Variants in ACSBG2 observed in about 807,000 individuals in gnomAD.
The protein encoded by ACSBG2 is acyl-CoA synthetase bubblegum family member 2, also known as long-chain-fatty-acid--CoA ligase ACSBG2.
A neutral mutation model predicts 74.7 loss-of-function variants in ACSBG2; 62 were observed. That is an observed-to-expected ratio of 0.83 (90% CI 0.68 to 1.03). ACSBG2 has a LOEUF of 1.03. Among genes scored for constraint, ACSBG2 ranks in the 50% least tolerant of loss-of-function variants. The pLI, the probability that ACSBG2 is intolerant of heterozygous loss-of-function variation, is 0.00. For missense variants in ACSBG2, 730 were observed against 817.6 expected, an observed-to-expected ratio of 0.89 and a Z score of 1.31; for synonymous variants, 309 against 294.1, an observed-to-expected ratio of 1.05 and a Z score of -0.52.
At position 6,183,019 on chromosome 19, in the gene ACSBG2, G is replaced by C. The variant is rs1568252341; in HGVS notation, c.1089-20G>C. 1 of 1,613,620 alleles carries C rather than the reference G, an allele frequency of 6.2e-7. No homozygotes were observed. The highest frequency in any genetic ancestry group is 8.5e-7 in the Non-Finnish European group (1 of 1,179,694). On this transcript the variant is annotated intron_variant, in intron 9 of 14. Transcript: ENST00000588485. Reference sequence around the variant, plus strand: ...GGGTCCCATCAGCCCTTCTCCACTTGACGGCATTCTTATTCACAGGAAATA... The same window carrying C: ...GGGTCCCATCAGCCCTTCTCCACTTCACGGCATTCTTATTCACAGGAAATA...
At chr19:6,157,244 A>G (rs7408308) in intron 5 of ACSBG2, among the ~76,000 whole-genome samples, 108,523 of 151,956 alleles carry the variant, frequency 0.71, 38,966 homozygotes, top group Admixed American at 0.74. Flanking sequence ...CACCGCCCCG[A>G]GCCCGGGCTA....
chr19:6,185,074 C>T (rs1171035541), intron 10 of ACSBG2, among the ~76,000 whole-genome samples: 2 of 151,920 alleles, frequency 1.3e-5, no homozygotes, highest in Non-Finnish European at 2.9e-5. Context: ...AGGTATGTAC[C>T]ACCATGCCCA....
chr19:6,138,907 C>T (rs2088708875), intron 1 of ACSBG2, among the ~76,000 whole-genome samples: 1 of 151,964 alleles, frequency 6.6e-6, no homozygotes, highest in Non-Finnish European at 1.5e-5. Flanking sequence ...CCAGAGGGGC[C>T]TTGGGCTTCC....
At chr19:6,149,172 C>T (rs1163579532) in intron 3 of ACSBG2, among the ~76,000 whole-genome samples, 3 of 152,102 alleles carry the variant, frequency 2.0e-5, no homozygotes, top group Admixed American at 2.0e-4. Context: ...AACAAAACTA[C>T]TTGGAGACCC....
At chr19:6,171,831 T>G (rs1259109533) in intron 7 of ACSBG2, among the ~76,000 whole-genome samples, 1 of 152,206 alleles carries the variant, frequency 6.6e-6, no homozygotes, top group Admixed American at 6.5e-5. Flanking sequence ...ATTTTTCTTC[T>G]TTTCTCTCAG....
chr19:6,138,252 G>A (rs2088656056), intron 1 of ACSBG2, among the ~76,000 whole-genome samples: 1 of 152,094 alleles, frequency 6.6e-6, no homozygotes, highest in Admixed American at 6.6e-5. Context: ...CTGAGACACA[G>A]TCAGTGGTGG....
At chr19:6,142,752 CAAAAA>C (rs34759552) in intron 2 of ACSBG2, among the ~76,000 whole-genome samples, 2 of 115,912 alleles carry the variant, frequency 1.7e-5, no homozygotes, top group African/African-American at 7.3e-5. Context: ...GACTCTGTCT[CAAAAA>C]AAAAAAAAAA....
At position 6,141,563 on chromosome 19, in the gene ACSBG2, C is replaced by T; in HGVS notation, c.20C>T (p.Thr7Ile). ...CCTGGAATGACTGGAACCCCAAAGACTCAAGAAGGAGCTAAAGATCTTGAA... is the reference window on the plus strand; with the variant it reads ...CCTGGAATGACTGGAACCCCAAAGATTCAAGAAGGAGCTAAAGATCTTGAA... MTGTPK[T>I]QEGAKDLEVD... The change falls in exon 2 of 15, where the codon ACT (threonine) becomes ATT (isoleucine). Residue 7 changes from threonine (T) to isoleucine (I), a missense_variant. Physicochemically the swap from Thr to Ile is moderately conservative, Grantham distance 89 (BLOSUM62 -1). Coordinates refer to ENST00000588485, the MANE Select transcript of ACSBG2 (RefSeq NM_030924.5). The T allele has an allele frequency of 6.2e-7, 1 of 1,612,234 alleles. No individual in the cohort carries two copies. The highest frequency in any genetic ancestry group is 1.1e-5 in the South Asian group (1 of 91,054).
chr19:6,145,791 C>T (rs1043394630), intron 2 of ACSBG2, among the ~76,000 whole-genome samples: 5 of 152,146 alleles, frequency 3.3e-5, no homozygotes, highest in South Asian at 2.1e-4. Flanking sequence ...TGGGTGATGT[C>T]GCTGTGACAG....
rs954496778 is a variant in ACSBG2 at position 6,190,643 on chromosome 19, C to T, written c.1987C>T (p.His663Tyr). The T allele has an allele frequency of 6.2e-7, 1 of 1,613,916 alleles. No individual in the cohort carries two copies. The change falls in exon 14 of 15, where the codon CAC (histidine) becomes TAC (tyrosine). Residue 663 changes from histidine (H) to tyrosine (Y), a missense_variant. Coordinates refer to ENST00000588485, the MANE Select transcript of ACSBG2 (RefSeq NM_030924.5). ...VAQKYKKQID[H>Y]MYH Reference sequence around the variant, plus strand: ...CCAGAAATACAAAAAACAAATTGATCACATGTACCACTGACTGCTTTGATG... The same window carrying T: ...CCAGAAATACAAAAAACAAATTGATTACATGTACCACTGACTGCTTTGATG...
chr19:6,145,689 T>C (rs2089006097), intron 2 of ACSBG2, among the ~76,000 whole-genome samples: 1 of 152,186 alleles, frequency 6.6e-6, no homozygotes, highest in Non-Finnish European at 1.5e-5. Flanking sequence ...TTTCTCAGTG[T>C]CAACCCTTAC....
intron 7 of ACSBG2, among the ~76,000 whole-genome samples, 156 bp downstream of exon 7, chr19:6,166,171 C>G (rs548547897): frequency 6.6e-6 from 1 of 152,060 alleles, no homozygotes; most frequent in East Asian, 1.9e-4. Flanking sequence ...TAGGGGGCAG[C>G]AGAGTGCAGT....
rs748580019 is a variant in ACSBG2, at chr19:6,187,408, T to G, written c.1666T>G (p.Leu556Val). ...AGATAAACTGAAGTTTCTGAGCATGTTGCTGACGCTGAAGGTAACATGGGT... is the reference window on the plus strand; with the variant it reads ...AGATAAACTGAAGTTTCTGAGCATGGTGCTGACGCTGAAGGTAACATGGGT... ...VGDKLKFLSMLLTLKCEMNQM... is the reference protein window; with the variant it reads ...VGDKLKFLSMVLTLKCEMNQM... Residue 556 changes from leucine to valine, a missense_variant, in exon 12 of 15, where the codon TTG becomes GTG. Coordinates refer to ENST00000588485, the MANE Select transcript of ACSBG2 (RefSeq NM_030924.5). 3.7e-6 allele frequency: 6 copies of G among 1,614,198 alleles called. No homozygotes were observed. Among genetic ancestry groups the G allele is most frequent in the Non-Finnish European group, 5.1e-6 (6 of 1,180,044 alleles).
intron 4 of ACSBG2, among the ~76,000 whole-genome samples, chr19:6,152,102 T>C (rs992302292): frequency 2.6e-5 from 4 of 152,156 alleles, no homozygotes; most frequent in African/African-American, 4.8e-5. Context: ...ACGTGTATGA[T>C]CCTGTAAAAC....
chr19:6,182,755 C>A lies in ACSBG2; in HGVS notation c.911C>A (p.Thr304Asn). 7 of 1,613,850 alleles carry A rather than the reference C, an allele frequency of 4.3e-6. No individual in the cohort carries two copies. The highest frequency in any genetic ancestry group is 4.2e-6 in the Non-Finnish European group (5 of 1,179,912). Reference protein sequence around the residue: ...YFAQADALKGTLVSTLKEVKP... With the variant: ...YFAQADALKGNLVSTLKEVKP... ...ACCTAGCTTCGTTCCATACAGGGCA[C>A]CTTGGTAAGTACTCTAAAGGAGGTA... is the stretch of plus-strand genomic sequence containing the variant. Residue 304 changes from threonine (T) to asparagine (N), a missense_variant, in exon 9 of 15, where the codon ACC becomes AAC. By Grantham distance (65) the Thr-to-Asn change is moderately conservative. Transcript: ENST00000588485.
intron 14 of ACSBG2, chr19:6,192,166 G>A (rs552331397): frequency 6.6e-6 from 1 of 151,156 alleles, no homozygotes; most frequent in Non-Finnish European, 1.5e-5. Context: ...TTGGAATACC[G>A]GGTTACGTAA....
At chr19:6,142,752 C>CAAA (rs34759552) in intron 2 of ACSBG2, among the ~76,000 whole-genome samples, 3,059 of 115,738 alleles carry the variant, frequency 0.026, 141 homozygotes, top group African/African-American at 0.095. Flanking sequence ...GACTCTGTCT[C>CAAA]AAAAAAAAAA....
At chr19:6,149,239 A>G (rs2089149130) in intron 3 of ACSBG2, among the ~76,000 whole-genome samples, 1 of 152,204 alleles carries the variant, frequency 6.6e-6, no homozygotes, top group Admixed American at 6.5e-5. Flanking sequence ...TGTCCACAAT[A>G]AAGCCAGCCT....
intron 14 of ACSBG2, 120 bp downstream of exon 14, chr19:6,190,812 T>TATACACACACACACAC (rs2090542983): frequency 3.1e-6 from 1 of 323,294 alleles, no homozygotes; most frequent in South Asian, 3.1e-5. Flanking sequence ...CACACATACA[T>TATACACACACACACAC]ACACACACAC....
Sources: gnomAD v4.1 joint callset for allele counts (sites outside exome capture counted in the v4.1 genomes callset) on GRCh38, gnomAD v4.1.1 for gene constraint, MANE v1.5 for transcripts, NCBI Gene and HGNC (gene_info 2026-07-23, HGNC 2026-07-21) for gene names.